MEP1A: variants seen among roughly 807,000 people sequenced by gnomAD.
MEP1A encodes meprin A subunit alpha.
A neutral mutation model predicts 84.5 loss-of-function variants in MEP1A; 68 were observed. The observed-to-expected ratio is 0.80, with a 90% confidence interval of 0.66 to 0.98. The LOEUF (loss-of-function observed/expected upper bound fraction) is 0.98, where lower values mean the gene tolerates loss of function less well. MEP1A is among the 50% of genes least tolerant of loss of function. The pLI, the probability that MEP1A is intolerant of heterozygous loss-of-function variation, is 0.00. For synonymous variants in MEP1A, 337 were observed against 336.8 expected, an observed-to-expected ratio of 1.00 and a Z score of -0.01; for missense variants, 887 against 919.9, an observed-to-expected ratio of 0.96 and a Z score of 0.46.
chr6:46,836,122 T>G (rs957670062), intron 13 of MEP1A, among the ~76,000 whole-genome samples: 1 of 152,196 alleles, frequency 6.6e-6, no homozygotes, highest in Non-Finnish European at 1.5e-5. Flanking sequence ...GCTCTCCTTA[T>G]CCCCGTTTAG....
chr6:46,834,765 T>G lies in MEP1A; in HGVS notation c.1783+14T>G. On this transcript the variant is annotated intron_variant, in intron 12 of 13. Coordinates refer to ENST00000230588, the MANE Select transcript of MEP1A (RefSeq NM_005588.3). ...TGGACTTTGAAGGTACTTTTGTTGG[T>G]CTTCCTGAGTAAATAATCCTATGCT... 6.3e-7 allele frequency: 1 copy of G among 1,597,470 alleles called. No individual in the cohort carries two copies.
intron 13 of MEP1A, among the ~76,000 whole-genome samples, chr6:46,838,144 C>T (rs767221821): frequency 6.6e-6 from 1 of 151,794 alleles, no homozygotes; most frequent in Admixed American, 6.6e-5. Flanking sequence ...GTGATCCACC[C>T]GGCCTCCCAA....
chr6:46,831,393 T>G (rs1768071535), intron 10 of MEP1A, among the ~76,000 whole-genome samples: 1 of 152,178 alleles, frequency 6.6e-6, no homozygotes, highest in Non-Finnish European at 1.5e-5. Context: ...ACTATGTGTA[T>G]GTACACACAC....
chr6:46,835,306 A>G lies in MEP1A; in HGVS notation c.1841A>G (p.Gln614Arg), dbSNP rs763440434. Residue 614 changes from glutamine to arginine, a missense_variant, in exon 13 of 14, where the codon CAA becomes CGA. Transcript: ENST00000230588. The part of the protein sequence containing the change: ...VPTKGKRLSP[Q>R]GLILQGQEQQ... ...ACTAAAGGCAAAAGACTGAGCCCCCAAGGCCTCATTCTCCAAGGCCAGGAG... is the reference window on the plus strand; with the variant it reads ...ACTAAAGGCAAAAGACTGAGCCCCCGAGGCCTCATTCTCCAAGGCCAGGAG... 3 of 1,606,672 alleles carry G rather than the reference A, an allele frequency of 1.9e-6. No homozygotes were observed. Among genetic ancestry groups the G allele is most frequent in the East Asian group, 2.2e-5 (1 of 44,780 alleles).
chr6:46,796,887 G>C (rs1228440570), intron 3 of MEP1A, among the ~76,000 whole-genome samples: 1 of 152,192 alleles, frequency 6.6e-6, no homozygotes. Context: ...AGAATAGATG[G>C]ACCAGAACAA....
chr6:46,819,490 AT>A, intron 6 of MEP1A, 38 bp from the exon 7 acceptor site: 1 of 1,541,006 alleles, frequency 6.5e-7, no homozygotes. Context: ...CCACTTAAAA[AT>A]TCTCTAGAAG....
chr6:46,826,238 TAAC>T, intron 8 of MEP1A, 113 bp from the exon 9 acceptor site: 1 of 934,520 alleles, frequency 1.1e-6, no homozygotes, highest in Non-Finnish European at 1.5e-6. Flanking sequence ...AAAGTCAAGA[TAAC>T]AAGCTTGTGA....
intron 6 of MEP1A, among the ~76,000 whole-genome samples, chr6:46,812,629 C>T (rs924373042): frequency 6.6e-5 from 10 of 151,866 alleles, no homozygotes; most frequent in African/African-American, 1.4e-4. Flanking sequence ...CTTAGCACTG[C>T]TTTTGCTATA....
At chr6:46,826,631 A>C (rs573857522) in intron 9 of MEP1A, 128 bp downstream of exon 9, 1 of 749,732 alleles carries the variant, frequency 1.3e-6, no homozygotes, top group African/African-American at 1.8e-5. Flanking sequence ...AAGGACAAAA[A>C]ACATTTCTTA....
chr6:46,794,629 A>G (rs1488925725), intron 3 of MEP1A, among the ~76,000 whole-genome samples: 2 of 152,194 alleles, frequency 1.3e-5, no homozygotes, highest in Non-Finnish European at 2.9e-5. Flanking sequence ...CAGAGAAGCC[A>G]GTTAGTTGAT....
At chr6:46,797,828 TTCTTTCTTTCTC>T (rs1177477810) in intron 3 of MEP1A, among the ~76,000 whole-genome samples, 10 of 118,330 alleles carry the variant, frequency 8.5e-5, no homozygotes, top group African/African-American at 3.0e-4. Flanking sequence ...CTTTCTTTCT[TTCTTTCTTTCTC>T]TCTCTCTTTC....
At chr6:46,845,666 A>C in the MEP1A span, among the ~76,000 whole-genome samples, 1 of 152,196 alleles carries the variant, frequency 6.6e-6, no homozygotes, top group African/African-American at 2.4e-5. Context: ...GGACCTCATA[A>C]ATTTCTCTCC....
chr6:46,824,995 G>T (rs28410801), intron 7 of MEP1A, among the ~76,000 whole-genome samples: 28 of 119,860 alleles, frequency 2.3e-4, no homozygotes, highest in African/African-American at 5.0e-4. Context: ...TATTTAAATA[G>T]ATCTATTTAA....
chr6:46,807,729 C>G (rs1767379588), intron 5 of MEP1A, among the ~76,000 whole-genome samples: 1 of 103,348 alleles, frequency 9.7e-6, no homozygotes, highest in Non-Finnish European at 1.9e-5. Flanking sequence ...AAGAGGAAAA[C>G]AGAAGAAGGA....
chr6:46,831,925 A>G (rs1768086639), intron 10 of MEP1A, among the ~76,000 whole-genome samples: 3 of 151,908 alleles, frequency 2.0e-5, no homozygotes, highest in Admixed American at 2.0e-4. Context: ...TTCCCATGTA[A>G]CCTACCTCTC....
chr6:46,843,214 A>G (rs2150761461), downstream of MEP1A, among the ~76,000 whole-genome samples: 1 of 152,344 alleles, frequency 6.6e-6, no homozygotes, highest in South Asian at 2.1e-4. Flanking sequence ...CTGGATGCTC[A>G]TAGCACACTT....
chr6:46,797,806 CTTTCTTTCTT>C (rs1390689424), intron 3 of MEP1A, among the ~76,000 whole-genome samples: 1 of 53,528 alleles, frequency 1.9e-5, no homozygotes, highest in Non-Finnish European at 3.9e-5. Flanking sequence ...TTCTTTCTTT[CTTTCTTTCTT>C]TCTTTCTTTC....
At chr6:46,795,585 C>T (rs930268457) in intron 3 of MEP1A, among the ~76,000 whole-genome samples, 1 of 152,164 alleles carries the variant, frequency 6.6e-6, no homozygotes, top group African/African-American at 2.4e-5. Flanking sequence ...AGGCATGAGC[C>T]ACCACGCCTG....
chr6:46,815,603 C>T (rs1335867061), intron 6 of MEP1A, among the ~76,000 whole-genome samples: 1 of 152,156 alleles, frequency 6.6e-6, no homozygotes, highest in Non-Finnish European at 1.5e-5. Context: ...TTCAAAGGGT[C>T]TATGGATTGT....
Sources: gnomAD v4.1 joint callset for allele counts (sites outside exome capture counted in the v4.1 genomes callset) on GRCh38, gnomAD v4.1.1 for gene constraint, MANE v1.5 for transcripts, NCBI Gene and HGNC (gene_info 2026-07-23, HGNC 2026-07-21) for gene names.